Variants in CNTN5 observed in about 807,000 individuals in gnomAD.
CNTN5 encodes the protein contactin-5.
A neutral mutation model predicts 129.1 loss-of-function variants in CNTN5; 77 were observed. That is an observed-to-expected ratio of 0.60 (90% CI 0.50 to 0.72). The LOEUF (loss-of-function observed/expected upper bound fraction) is 0.72. CNTN5 is among the 30% of genes least tolerant of loss of function. The probability of loss-of-function intolerance (pLI) is 0.00; values close to 1 mark genes in which losing one functional copy is unlikely to be tolerated. For synonymous variants in CNTN5, 509 were observed against 465.6 expected (o/e 1.09, Z -1.20); for missense variants, 1,478 against 1,328.8 (o/e 1.11, Z -1.75).
chr11:99,531,381 A>G lies in CNTN5; in HGVS notation c.-70-24764A>G, dbSNP rs191584210. ...AAGGCATTCAATTTTTAAAAGGGAA[A>G]CAGCATAAAAGTTCAGAAAATTTGC... On this transcript the variant is annotated intron_variant, in intron 2 of 24. Coordinates refer to ENST00000524871, the MANE Select transcript of CNTN5 (RefSeq NM_014361.4). Among the ~76,000 whole-genome samples, 153 of 152,342 alleles carry G rather than the reference A, an allele frequency of 1.0e-3. 1 individual carries two copies. The Middle Eastern group carries it at 0.014, about 14-fold the overall frequency.
rs189128316 is a variant in CNTN5 at position 99,667,796 on chromosome 11, G to A, written c.55+111527G>A. On this transcript the variant is annotated intron_variant, in intron 3 of 24. Coordinates refer to ENST00000524871, the MANE Select transcript of CNTN5 (RefSeq NM_014361.4). ...ACAACACACACCAGGGCTTGTTAGC[G>A]GGTGGCGAGTGAGGGGAAGGAACTT... Among the ~76,000 whole-genome samples the A allele has an allele frequency of 9.9e-5, 15 of 152,174 alleles. No individual in the cohort carries two copies. The East Asian group carries it at 1.9e-3, about 20-fold the overall frequency.
intron 21 of CNTN5, among the ~76,000 whole-genome samples, chr11:100,310,725 G>C (rs1433718514): frequency 1.3e-5 from 2 of 151,892 alleles, no homozygotes; most frequent in East Asian, 3.9e-4. Context: ...ATATTTTATA[G>C]AGGTTTGAGA....
intron 24 of CNTN5, among the ~76,000 whole-genome samples, chr11:100,353,644 C>A (rs1045124053): frequency 2.0e-5 from 3 of 151,546 alleles, no homozygotes; most frequent in Admixed American, 6.6e-5. Context: ...GTCATCTCGC[C>A]TTTCTTATAG....
At chr11:99,096,459 T>C (rs574630991) in intron 1 of CNTN5, among the ~76,000 whole-genome samples, 7 of 151,940 alleles carry the variant, frequency 4.6e-5, no homozygotes, top group Admixed American at 4.6e-4. Context: ...TTGTTTCCTT[T>C]TAACTAGAAA....
rs187133028 is a variant in CNTN5 at position 99,146,802 on chromosome 11, G to T, written c.-210+125532G>T. 7.5e-3 allele frequency among the ~76,000 whole-genome samples: 1,135 copies of T among 152,118 alleles called. 12 individuals carry two copies. Among genetic ancestry groups the T allele is most frequent in the Non-Finnish European group, 0.013 (858 of 67,982 alleles). On this transcript the variant is annotated intron_variant, in intron 1 of 24. Coordinates refer to ENST00000524871, the MANE Select transcript of CNTN5 (RefSeq NM_014361.4). ...AGTGGCATGATCAAGACTCACTGCA[G>T]CTTTGACCTCCTGGACTCAATTGAT...
chr11:99,638,037 ATTTGTTTT>A (rs1378488098), intron 3 of CNTN5, among the ~76,000 whole-genome samples: 1 of 151,522 alleles, frequency 6.6e-6, no homozygotes, highest in Non-Finnish European at 1.5e-5. Flanking sequence ...AGATTATTGT[ATTTGTTTT>A]TACACTGCTG....
At position 99,956,243 on chromosome 11, in the gene CNTN5, C is replaced by G. The variant is rs114027332; in HGVS notation, c.674-563C>G. Among the ~76,000 whole-genome samples the G allele has an allele frequency of 5.2e-3, 791 of 151,924 alleles. 7 individuals carry two copies. Among genetic ancestry groups the G allele is most frequent in the African/African-American group, 0.018 (752 of 41,454 alleles). On this transcript the variant is annotated intron_variant, in intron 7 of 24. Transcript: ENST00000524871. The stretch of plus-strand genomic sequence containing the variant: ...AGTTAAATACTGGCTCAGTTTAAAC[C>G]ATCATACTGTCTCTGAAAGTCCCAA...
At chr11:99,334,280 C>G (rs564404711) in intron 2 of CNTN5, among the ~76,000 whole-genome samples, 1 of 152,088 alleles carries the variant, frequency 6.6e-6, no homozygotes, top group South Asian at 2.1e-4. Context: ...CAGGACTATT[C>G]AATGAATTGA....
At chr11:100,220,312 G>A (rs1248674567) in intron 15 of CNTN5, among the ~76,000 whole-genome samples, 2 of 151,614 alleles carry the variant, frequency 1.3e-5, no homozygotes, top group African/African-American at 4.8e-5. Context: ...CTTGGAAGAA[G>A]AAATACTGTT....
chr11:99,182,884 A>C (rs1374304871), intron 1 of CNTN5, among the ~76,000 whole-genome samples: 2 of 152,182 alleles, frequency 1.3e-5, no homozygotes, highest in East Asian at 1.9e-4. Context: ...AAAATATAAT[A>C]TGCAATCAAG....
chr11:99,040,603 A>C (rs987144964), intron 1 of CNTN5, among the ~76,000 whole-genome samples: 5 of 152,150 alleles, frequency 3.3e-5, no homozygotes, highest in African/African-American at 4.8e-5. Context: ...GCAAAAGTAA[A>C]AGTGAAAAAA....
In CNTN5 at chr11:100,221,735, G is replaced by A. The variant is rs1330737894; in HGVS notation, c.1885-2957G>A. 2.0e-5 allele frequency among the ~76,000 whole-genome samples: 3 copies of A among 152,084 alleles called. No homozygotes were observed. The East Asian group carries it at 5.8e-4, about 29-fold the overall frequency. ...GCAAGGTTTCGGCGTGTTGTGTTAA[G>A]CACTGGTTGTGGCAAAATTCATTTG... On this transcript the variant is annotated intron_variant, in intron 15 of 24. Coordinates refer to ENST00000524871, the MANE Select transcript of CNTN5 (RefSeq NM_014361.4).
chr11:100,189,804 C>G (rs892813447), intron 13 of CNTN5, among the ~76,000 whole-genome samples: 1 of 152,068 alleles, frequency 6.6e-6, no homozygotes, highest in Admixed American at 6.6e-5. Flanking sequence ...GCTAGCATCT[C>G]TCCTAGACTT....
intron 3 of CNTN5, among the ~76,000 whole-genome samples, chr11:99,612,652 G>T (rs73540805): frequency 0.027 from 4,182 of 152,248 alleles, 208 homozygotes; most frequent in African/African-American, 0.095. Context: ...AAATTGAAAG[G>T]TTCTCTAGTT....
At chr11:100,115,369 A>G (rs1945810313) in intron 13 of CNTN5, among the ~76,000 whole-genome samples, 1 of 152,130 alleles carries the variant, frequency 6.6e-6, no homozygotes, top group Non-Finnish European at 1.5e-5. Flanking sequence ...GAAAACATTT[A>G]TTGAGTGACT....
intron 3 of CNTN5, among the ~76,000 whole-genome samples, chr11:99,617,614 C>T (rs1034010091): frequency 1.3e-5 from 2 of 152,052 alleles, no homozygotes; most frequent in African/African-American, 4.8e-5. Context: ...AACTTGAGAT[C>T]CCTATAGTTC....
At chr11:99,754,495 T>C (rs1194754404) in intron 3 of CNTN5, among the ~76,000 whole-genome samples, 1 of 152,216 alleles carries the variant, frequency 6.6e-6, no homozygotes, top group East Asian at 1.9e-4. Flanking sequence ...CTTGTACTCC[T>C]AAAAGTTTAC....
chr11:100,241,072 C>T (rs1949731660), intron 16 of CNTN5, among the ~76,000 whole-genome samples: 1 of 152,152 alleles, frequency 6.6e-6, no homozygotes, highest in Non-Finnish European at 1.5e-5. Flanking sequence ...CATATTTTAG[C>T]ACCTCATATG....
intron 13 of CNTN5, among the ~76,000 whole-genome samples, chr11:100,133,169 A>G (rs1946426983): frequency 6.6e-6 from 1 of 152,182 alleles, no homozygotes; most frequent in African/African-American, 2.4e-5. Context: ...GTCATTGGCA[A>G]TGACATTAAT....
Sources: gnomAD v4.1 joint callset for allele counts (sites outside exome capture counted in the v4.1 genomes callset) on GRCh38, gnomAD v4.1.1 for gene constraint, MANE v1.5 for transcripts, NCBI Gene and HGNC (gene_info 2026-07-23, HGNC 2026-07-21) for gene names.